Variants in NECTIN1 observed in about 807,000 individuals in gnomAD.
The protein encoded by NECTIN1 is nectin cell adhesion molecule 1, also known as nectin-1.
Under a neutral mutation model 48.0 loss-of-function variants are expected in NECTIN1, and 23 were observed. The observed-to-expected ratio is 0.48, with a 90% CI of 0.34 to 0.68. The LOEUF (loss-of-function observed/expected upper bound fraction) is 0.68. Among genes scored for constraint, NECTIN1 ranks in the 30% least tolerant of loss-of-function variants. The probability of loss-of-function intolerance (pLI) is 0.01; values close to 1 mark genes in which losing one functional copy is unlikely to be tolerated. For missense variants in NECTIN1, 591 were observed against 709.9 expected, an observed-to-expected ratio of 0.83 and a Z score of 1.90; for synonymous variants, 270 against 288.9, an observed-to-expected ratio of 0.93 and a Z score of 0.66.
In NECTIN1 at chr11:119,672,815, C is replaced by A. The variant is rs892186241; in HGVS notation, c.1003+2344G>T. On this transcript the variant is annotated intron_variant, in intron 5 of 5. Transcript: ENST00000264025. The surrounding 1 kb of genome is among the most constrained non-coding windows in gnomAD (Gnocchi z 4.3). ...TGCCTACTCACTCATCTCCCAGCAACCACTCAGTGCTCCTTCCTCAGGGGC... is the reference window on the plus strand; with the variant it reads ...TGCCTACTCACTCATCTCCCAGCAAACACTCAGTGCTCCTTCCTCAGGGGC... 6.6e-6 allele frequency among the ~76,000 whole-genome samples: 1 copy of A among 152,192 alleles called. No individual in the cohort carries two copies. Among genetic ancestry groups the A allele is most frequent in the Non-Finnish European group, 1.5e-5 (1 of 68,036 alleles).
At chr11:119,676,695 A>C in intron 4 of NECTIN1, 1 of 270,524 alleles carries the variant, frequency 3.7e-6, no homozygotes, top group Non-Finnish European at 7.3e-6. Context: ...TGCCAGAGAG[A>C]AGGAATAGGG....
intron 1 of NECTIN1, among the ~76,000 whole-genome samples, chr11:119,722,207 C>A (rs184336385): frequency 1.3e-5 from 2 of 152,340 alleles, no homozygotes; most frequent in African/African-American, 2.4e-5. Flanking sequence ...GGAACTAATA[C>A]AACACTAATG....
rs1864655011 is a variant in NECTIN1 at position 119,661,097 on chromosome 11, C to A, written c.*3650G>T. 3 of 984,874 alleles carry A rather than the reference C, an allele frequency of 3.0e-6. No individual in the cohort carries two copies. The highest frequency in any genetic ancestry group is 1.2e-4 in the Admixed American group (2 of 16,264). 61.0% of individuals were successfully genotyped at this position (984,874 alleles called of 1,614,324 possible). A position where few individuals can be genotyped will look rare whatever the true frequency, so the allele number is the denominator to read the frequency against. On this transcript the variant is annotated 3_prime_UTR_variant, in exon 6 of 6. Coordinates refer to ENST00000264025, the MANE Select transcript of NECTIN1 (RefSeq NM_002855.5). Reference sequence around the variant, plus strand: ...AAGTAAAAGGGGGTGATGCAAACACCCCCCAGGTCAGAACCAGGAGGATCT... The same window carrying A: ...AAGTAAAAGGGGGTGATGCAAACACACCCCAGGTCAGAACCAGGAGGATCT...
chr11:119,645,834 G>T (rs1397547710), intron 5 of NECTIN1, among the ~76,000 whole-genome samples: 1 of 152,140 alleles, frequency 6.6e-6, no homozygotes, highest in African/African-American at 2.4e-5. Flanking sequence ...TCTTTCAACT[G>T]CTTTCCTCTG....
intron 5 of NECTIN1, chr11:119,653,886 CTACTCACG>C (rs1864528485): frequency 6.6e-6 from 1 of 152,202 alleles, no homozygotes; most frequent in Non-Finnish European, 1.5e-5. Context: ...TCCCAGCAGT[CTACTCACG>C]TAGATTGAGA....
At chr11:119,656,650 C>T (rs1053816454), downstream of NECTIN1, among the ~76,000 whole-genome samples, 2 of 152,070 alleles carry the variant, frequency 1.3e-5, no homozygotes, top group Admixed American at 6.5e-5. Context: ...TCAGTCATCC[C>T]CAAGGAGGTC....
Position 119,673,264 on chromosome 11 carries a change from G to C in NECTIN1, c.1003+1895C>G, listed in dbSNP as rs1401015426. Among the ~76,000 whole-genome samples the C allele has an allele frequency of 1.3e-5, 2 of 152,160 alleles. No individual in the cohort carries two copies. The highest frequency in any genetic ancestry group is 1.3e-4 in the Admixed American group (2 of 15,286). Reference sequence around the variant, plus strand: ...AGGCCAACTCCCTGAGTCCTCTGGAGGGGGCTGAGAGTCCCTTCCGAGAGA... The same window carrying C: ...AGGCCAACTCCCTGAGTCCTCTGGACGGGGCTGAGAGTCCCTTCCGAGAGA... On this transcript the variant is annotated intron_variant, in intron 5 of 5. Coordinates refer to ENST00000264025, the MANE Select transcript of NECTIN1 (RefSeq NM_002855.5). This position sits in a 1 kb window ranked among gnomAD's most constrained non-coding sequence, Gnocchi z 5.8.
intron 5 of NECTIN1, chr11:119,641,171 C>A (rs1168116141): frequency 6.6e-6 from 1 of 152,214 alleles, no homozygotes; most frequent in Non-Finnish European, 1.5e-5. Context: ...AAGGCTCTGG[C>A]CCCAGCATCC....
chr11:119,697,154 C>T (rs1358880115), intron 1 of NECTIN1, among the ~76,000 whole-genome samples: 3 of 152,090 alleles, frequency 2.0e-5, no homozygotes, highest in Non-Finnish European at 2.9e-5. Context: ...GGCGGGGAGA[C>T]GCTTTGAACC....
At chr11:119,723,216 CAA>C (rs34528775) in intron 1 of NECTIN1, among the ~76,000 whole-genome samples, 30 of 59,220 alleles carry the variant, frequency 5.1e-4, no homozygotes, top group East Asian at 4.6e-3. Context: ...GACTCTGTCT[CAA>C]AAAAAAAAAA....
intron 1 of NECTIN1, among the ~76,000 whole-genome samples, chr11:119,704,258 T>G (rs1350002744): frequency 5.3e-5 from 8 of 152,046 alleles, no homozygotes; most frequent in African/African-American, 1.9e-4. Context: ...AGTCTCACTC[T>G]GTCGCCCAGG....
chr11:119,646,062 G>A (rs1300933126), intron 5 of NECTIN1, among the ~76,000 whole-genome samples: 1 of 152,184 alleles, frequency 6.6e-6, no homozygotes, highest in African/African-American at 2.4e-5. Flanking sequence ...TCCTTGAGTT[G>A]GGCTCCCGGT....
At chr11:119,712,751 T>C (rs900318743) in intron 1 of NECTIN1, 11 of 152,148 alleles carry the variant, frequency 7.2e-5, no homozygotes, top group African/African-American at 2.7e-4. Flanking sequence ...GAGTTAGAGA[T>C]GAAAAATGCC....
chr11:119,682,080 G>A (rs1865069047), intron 1 of NECTIN1, among the ~76,000 whole-genome samples: 1 of 152,176 alleles, frequency 6.6e-6, no homozygotes, highest in Non-Finnish European at 1.5e-5. Context: ...CAGACTTAGG[G>A]ACCGGGAACC....
chr11:119,650,142 G>A (rs935354365), intron 5 of NECTIN1, among the ~76,000 whole-genome samples: 1 of 152,176 alleles, frequency 6.6e-6, no homozygotes, highest in Non-Finnish European at 1.5e-5. Context: ...TGAGCCAGGA[G>A]AAGGAATTTC....
At chr11:119,671,783 C>T (rs1024092944) in intron 5 of NECTIN1, among the ~76,000 whole-genome samples, 2 of 152,202 alleles carry the variant, frequency 1.3e-5, no homozygotes, top group Non-Finnish European at 2.9e-5. Flanking sequence ...GTCAGACCAT[C>T]AGGCAGGGCC....
At chr11:119,698,721 A>G (rs935099870) in intron 1 of NECTIN1, among the ~76,000 whole-genome samples, 3 of 152,208 alleles carry the variant, frequency 2.0e-5, no homozygotes, top group African/African-American at 7.2e-5. Context: ...CAAAATGGCT[A>G]TAAGGATTCA....
At chr11:119,648,197 A>G (rs1228275275) in intron 5 of NECTIN1, among the ~76,000 whole-genome samples, 5 of 127,320 alleles carry the variant, frequency 3.9e-5, no homozygotes, top group East Asian at 2.6e-4. Flanking sequence ...TGGTGGTGTG[A>G]TGGTACTGGT....
At chr11:119,660,081 G>A (rs1033512293), downstream of NECTIN1, among the ~76,000 whole-genome samples, 1 of 152,208 alleles carries the variant, frequency 6.6e-6, no homozygotes, top group Non-Finnish European at 1.5e-5. Flanking sequence ...TGGGTGTGGA[G>A]GATGTGGCCT....
Sources: allele counts gnomAD v4.1 joint callset (sites outside exome capture counted in the v4.1 genomes callset), GRCh38; gene constraint gnomAD v4.1.1; non-coding constraint Gnocchi (gnomAD v3.1); transcripts MANE v1.5; gene names NCBI Gene and HGNC (gene_info 2026-07-23, HGNC 2026-07-21).